The following KREMEN1 variants were observed in gnomAD, a reference collection of about 807,000 sequenced individuals.
KREMEN1 encodes kringle containing transmembrane protein 1.
A neutral mutation model predicts 46.5 loss-of-function variants in KREMEN1; 30 were observed. The ratio of observed to expected loss-of-function variants is 0.65; its 90% CI spans 0.48 to 0.88. The LOEUF (loss-of-function observed/expected upper bound fraction) is 0.88. Ranked by LOEUF, KREMEN1 falls within the 40% of genes least tolerant of loss-of-function variation. The pLI, the probability that KREMEN1 is intolerant of heterozygous loss-of-function variation, is 0.00. For missense variants in KREMEN1, 533 were observed against 596.9 expected, an observed-to-expected ratio of 0.89 and a Z score of 1.11; for synonymous variants, 214 against 230.6, an observed-to-expected ratio of 0.93 and a Z score of 0.65.
chr22:29,152,874 CA>C (rs2038927100), intron 9 of KREMEN1, among the ~76,000 whole-genome samples: 1 of 152,168 alleles, frequency 6.6e-6, no homozygotes, highest in African/African-American at 2.4e-5. Flanking sequence ...AAAGTGAAAG[CA>C]AGTCTATTAA....
chr22:29,146,876 G>A (rs2301444), downstream of KREMEN1: 73,705 of 810,288 alleles, frequency 0.091, 3,538 homozygotes, highest in African/African-American at 0.14. Flanking sequence ...CGTGGGACAA[G>A]CGGAGGGTGT....
chr22:29,150,227 G>C (rs4823017), downstream of KREMEN1, among the ~76,000 whole-genome samples: 3,811 of 152,292 alleles, frequency 0.025, 157 homozygotes, highest in African/African-American at 0.087. Flanking sequence ...CTGGTGGGGG[G>C]GGGGGCAGTG....
chr22:29,148,465 T>C (rs1242617037), downstream of KREMEN1, among the ~76,000 whole-genome samples: 2 of 151,884 alleles, frequency 1.3e-5, no homozygotes, highest in African/African-American at 4.8e-5. Flanking sequence ...TTTTGTTTTT[T>C]TTTTTTGGAG....
intron 3 of KREMEN1, chr22:29,111,637 A>T (rs2145793882): frequency 7.2e-6 from 1 of 137,958 alleles, no homozygotes; most frequent in South Asian, 2.3e-4. Context: ...AAAAAAAAAA[A>T]TTAGCAGAGG....
chr22:29,149,521 C>G (rs2038899507), downstream of KREMEN1, among the ~76,000 whole-genome samples: 1 of 152,196 alleles, frequency 6.6e-6, no homozygotes, highest in Non-Finnish European at 1.5e-5. Flanking sequence ...GGCTTTCCTT[C>G]TCTCTCCTAG....
chr22:29,140,196 AC>A (rs1253691649), intron 7 of KREMEN1, 85 bp from the exon 8 acceptor site: 2 of 998,274 alleles, frequency 2.0e-6, no homozygotes, highest in African/African-American at 3.2e-5. Context: ...CCTCAGCCAG[AC>A]TTACTCACTT....
chr22:29,148,458 TG>T (rs1413103057), downstream of KREMEN1, among the ~76,000 whole-genome samples: 3 of 151,018 alleles, frequency 2.0e-5, no homozygotes, highest in Non-Finnish European at 4.4e-5. Context: ...TTGTTTTTTT[TG>T]TTTTTTTTTT....
rs1281488782 is a variant in KREMEN1, at chr22:29,144,188, C to T, written c.*2076C>T. 1 of 985,490 alleles carries T rather than the reference C, an allele frequency of 1.0e-6. No individual in the cohort carries two copies. The highest frequency in any genetic ancestry group is 1.2e-6 in the Non-Finnish European group (1 of 830,066). 61.0% of individuals were successfully genotyped at this position (985,490 alleles called of 1,614,324 possible). On this transcript the variant is annotated 3_prime_UTR_variant, in exon 9 of 9. Coordinates refer to ENST00000400335, the MANE Select transcript of KREMEN1 (RefSeq NM_001039570.3). ...TTTCCTCTTTGCAGCACTTTGCCTA[C>T]CTCCCCCAAGCCCTGAGCCACTGCC...
Position 29,145,375 on chromosome 22 carries a change from AC to A in KREMEN1, c.*3266del. 4 of 985,470 alleles carry A rather than the reference AC, an allele frequency of 4.1e-6. No homozygotes were observed. Among genetic ancestry groups the A allele is most frequent in the Non-Finnish European group, 4.8e-6 (4 of 830,018 alleles). 61.0% of individuals were successfully genotyped at this position (985,470 alleles called of 1,614,324 possible). Reference sequence around the variant, plus strand: ...CCACTGTGGACAGAGCTCTGAAAGCACCCTGGCCAAAGCCCCTCCTGAGGTG... The same window carrying A: ...CCACTGTGGACAGAGCTCTGAAAGCACCTGGCCAAAGCCCCTCCTGAGGTG... On this transcript the variant is annotated 3_prime_UTR_variant, in exon 9 of 9. Coordinates refer to ENST00000400335, the MANE Select transcript of KREMEN1 (RefSeq NM_001039570.3).
intron 3 of KREMEN1, among the ~76,000 whole-genome samples, chr22:29,101,482 C>T (rs2037975777): frequency 6.6e-6 from 1 of 152,130 alleles, no homozygotes; most frequent in South Asian, 2.1e-4. Flanking sequence ...TTTATAAAGT[C>T]TACAGTAATG....
intron 4 of KREMEN1, among the ~76,000 whole-genome samples, chr22:29,121,770 C>T (rs1004134878): frequency 1.3e-5 from 2 of 152,122 alleles, no homozygotes; most frequent in Non-Finnish European, 2.9e-5. Flanking sequence ...AGTGACTGCA[C>T]AACACAGTGA....
intron 5 of KREMEN1, among the ~76,000 whole-genome samples, chr22:29,128,163 G>A (rs2038475781): frequency 6.6e-6 from 1 of 152,184 alleles, no homozygotes; most frequent in Admixed American, 6.6e-5. Flanking sequence ...TAGGGATGAT[G>A]ATTGTATAAC....
At chr22:29,146,887 C>CTA, downstream of KREMEN1, 9 of 725,696 alleles carry the variant, frequency 1.2e-5, no homozygotes, top group Non-Finnish European at 1.5e-5. Flanking sequence ...CGGAGGGTGT[C>CTA]TGTGGTGGGA....
rs2038790157 is a variant in KREMEN1 at position 29,142,955 on chromosome 22, G to C, written c.*843G>C. On this transcript the variant is annotated 3_prime_UTR_variant, in exon 9 of 9. Coordinates refer to ENST00000400335, the MANE Select transcript of KREMEN1 (RefSeq NM_001039570.3). ...ACCTGAGGTCAGGAGTTCGAGACCA[G>C]CCTGGCCAACATGGTGAAACCCCGT... The C allele has an allele frequency of 5.5e-6, 4 of 731,764 alleles. No individual in the cohort carries two copies. The highest frequency in any genetic ancestry group is 6.7e-6 in the Non-Finnish European group (4 of 598,942). 45.3% of individuals were successfully genotyped at this position (731,764 alleles called of 1,614,324 possible). A position where few individuals can be genotyped will look rare whatever the true frequency, so the allele number is the denominator to read the frequency against.
chr22:29,075,141 C>T (rs1384456123), intron 1 of KREMEN1, among the ~76,000 whole-genome samples: 1 of 152,154 alleles, frequency 6.6e-6, no homozygotes, highest in Admixed American at 6.5e-5. Flanking sequence ...ACAGTATGAT[C>T]ACTTCTACTG....
At chr22:29,131,182 C>T (rs548277760) in intron 5 of KREMEN1, among the ~76,000 whole-genome samples, 1 of 152,180 alleles carries the variant, frequency 6.6e-6, no homozygotes, top group East Asian at 1.9e-4. Flanking sequence ...GAGAGAGAAA[C>T]TATTACCATT....
At chr22:29,090,952 A>G (rs1303617886) in intron 1 of KREMEN1, among the ~76,000 whole-genome samples, 1 of 150,294 alleles carries the variant, frequency 6.7e-6, no homozygotes, top group Non-Finnish European at 1.5e-5. Context: ...CGTCTCCATG[A>G]GGACTGTCAT....
At chr22:29,120,741 G>C (rs1462998799) in intron 3 of KREMEN1, among the ~76,000 whole-genome samples, 2 of 121,330 alleles carry the variant, frequency 1.6e-5, no homozygotes, top group Non-Finnish European at 3.6e-5. Flanking sequence ...GAGCCTCTAG[G>C]AGGAACTTGG....
chr22:29,084,457 A>G (rs375885464), intron 1 of KREMEN1, among the ~76,000 whole-genome samples: 31 of 152,210 alleles, frequency 2.0e-4, no homozygotes, highest in East Asian at 7.7e-4. Flanking sequence ...ATTCCTGAAC[A>G]CTAATGCATA....
Sources: allele counts gnomAD v4.1 joint callset (sites outside exome capture counted in the v4.1 genomes callset), GRCh38; gene constraint gnomAD v4.1.1; transcripts MANE v1.5; gene names NCBI Gene and HGNC (gene_info 2026-07-23, HGNC 2026-07-21).